The following TMEM132B variants were observed in gnomAD, a reference collection of about 807,000 sequenced individuals.
TMEM132B encodes transmembrane protein 132B.
TMEM132B carries 18 observed loss-of-function variants against 90.8 expected under a neutral mutation model. That is an observed-to-expected ratio of 0.20 (90% CI 0.14 to 0.29). TMEM132B has a LOEUF of 0.29. TMEM132B is among the 10% of genes least tolerant of loss of function. The probability of loss-of-function intolerance (pLI) is 1.00; values close to 1 mark genes in which losing one functional copy is unlikely to be tolerated. For missense variants in TMEM132B, 1,096 were observed against 1,326.8 expected, an observed-to-expected ratio of 0.83 and a Z score of 2.70; for synonymous variants, 504 against 523.3, an observed-to-expected ratio of 0.96 and a Z score of 0.50.
intron 4 of TMEM132B, among the ~76,000 whole-genome samples, chr12:125,534,447 G>C (rs146868201): frequency 6.6e-6 from 1 of 152,148 alleles, no homozygotes; most frequent in Non-Finnish European, 1.5e-5. Flanking sequence ...CACCCAGGAG[G>C]TCGAGGCTGC....
intron 8 of TMEM132B, among the ~76,000 whole-genome samples, chr12:125,653,131 C>T (rs1180257107): frequency 6.6e-6 from 1 of 152,230 alleles, no homozygotes; most frequent in Non-Finnish European, 1.5e-5. Context: ...TCACAATGCA[C>T]CTTCCCGAGT....
intron 1 of TMEM132B, among the ~76,000 whole-genome samples, chr12:125,341,081 C>T (rs1196911087): frequency 1.3e-5 from 2 of 152,210 alleles, no homozygotes; most frequent in African/African-American, 4.8e-5. Context: ...TATGCAGTTC[C>T]CTTTAGTCAC....
At chr12:125,293,460 C>G (rs1875593715) in intron 1 of TMEM132B, among the ~76,000 whole-genome samples, 1 of 152,142 alleles carries the variant, frequency 6.6e-6, no homozygotes, top group Non-Finnish European at 1.5e-5. Context: ...TCCTTCCTCC[C>G]TTGAATAGGC....
intron 3 of TMEM132B, among the ~76,000 whole-genome samples, chr12:125,479,130 A>G (rs1881971841): frequency 1.3e-5 from 2 of 152,248 alleles, no homozygotes; most frequent in Non-Finnish European, 2.9e-5. Flanking sequence ...ATGGAAAGGA[A>G]CAACCGGTAC....
intron 1 of TMEM132B, among the ~76,000 whole-genome samples, chr12:125,206,699 C>T (rs367725326): frequency 1.8e-4 from 28 of 152,200 alleles, no homozygotes; most frequent in African/African-American, 6.7e-4. Context: ...GGGACCCAGA[C>T]TTCCCTTCCT....
At chr12:125,295,201 C>G (rs1342683437) in intron 1 of TMEM132B, among the ~76,000 whole-genome samples, 1 of 152,212 alleles carries the variant, frequency 6.6e-6, no homozygotes, top group Non-Finnish European at 1.5e-5. Flanking sequence ...TGATAATTAT[C>G]TTGTGCTTCT....
At chr12:125,584,303 A>G (rs1431408499) in intron 5 of TMEM132B, 1 of 326,972 alleles carries the variant, frequency 3.1e-6, no homozygotes, top group Non-Finnish European at 5.8e-6. Flanking sequence ...TCGTAAGACA[A>G]TATTTTCCTA....
chr12:125,530,778 A>G (rs963672788), intron 4 of TMEM132B, among the ~76,000 whole-genome samples: 1 of 152,212 alleles, frequency 6.6e-6, no homozygotes, highest in Non-Finnish European at 1.5e-5. Context: ...CCTTATAAGG[A>G]CACCAGTCCT....
chr12:125,256,257 T>A (rs1477791580), intron 1 of TMEM132B, among the ~76,000 whole-genome samples: 1 of 151,810 alleles, frequency 6.6e-6, no homozygotes, highest in Non-Finnish European at 1.5e-5. Flanking sequence ...AAAAAGGGAG[T>A]GGGCCACATC....
At chr12:125,434,314 C>T (rs1181729676) in intron 3 of TMEM132B, among the ~76,000 whole-genome samples, 1 of 152,232 alleles carries the variant, frequency 6.6e-6, no homozygotes, top group Non-Finnish European at 1.5e-5. Context: ...ACCCCAGGAA[C>T]CTTAATCTAA....
chr12:125,602,276 G>A (rs1486560944), intron 5 of TMEM132B, among the ~76,000 whole-genome samples: 1 of 152,096 alleles, frequency 6.6e-6, no homozygotes, highest in Non-Finnish European at 1.5e-5. Flanking sequence ...TGATCAAGTC[G>A]GCTTCATCCT....
intron 1 of TMEM132B, among the ~76,000 whole-genome samples, chr12:125,239,815 G>C (rs759166231): frequency 3.9e-5 from 6 of 152,246 alleles, no homozygotes; most frequent in Admixed American, 2.0e-4. Flanking sequence ...TGGTTTGTTG[G>C]GGGGAAGTGG....
intron 1 of TMEM132B, among the ~76,000 whole-genome samples, chr12:125,305,451 A>C (rs1268397044): frequency 2.0e-5 from 3 of 152,024 alleles, no homozygotes; most frequent in Non-Finnish European, 2.9e-5. Context: ...AGGGGGGGGA[A>C]GGCTGTCTGT....
intron 2 of TMEM132B, among the ~76,000 whole-genome samples, chr12:125,355,828 C>T (rs11058149): frequency 0.31 from 47,337 of 152,048 alleles, 7,715 homozygotes; most frequent in South Asian, 0.46. Context: ...TACCATTCCA[C>T]GTGCCATGCT....
chr12:125,250,046 C>A (rs1347206005), intron 1 of TMEM132B, among the ~76,000 whole-genome samples: 1 of 152,244 alleles, frequency 6.6e-6, no homozygotes, highest in Non-Finnish European at 1.5e-5. Context: ...AGCAGACATG[C>A]CTGTGTTTTT....
chr12:125,230,275 C>G (rs1482838879), intron 1 of TMEM132B, among the ~76,000 whole-genome samples: 3 of 152,278 alleles, frequency 2.0e-5, no homozygotes, highest in African/African-American at 7.2e-5. Context: ...GGAGGTGGTG[C>G]TTCTCAGGTT....
Position 125,614,348 on chromosome 12 carries a change from A to G in TMEM132B, c.1438-29728A>G, listed in dbSNP as rs539556503. Among the ~76,000 whole-genome samples the G allele has an allele frequency of 2.6e-5, 4 of 152,256 alleles. No homozygotes were observed. In the South Asian group the frequency reaches 6.2e-4, roughly 24 times the overall value. On this transcript the variant is annotated intron_variant, in intron 5 of 8. Coordinates refer to ENST00000682704, the MANE Select transcript of TMEM132B (RefSeq NM_001366854.1). Reference sequence around the variant, plus strand: ...TGCTCAATGTTTAGTTGCCACTTATAAGTGAGAACATGCAGTGTTTACTTT... The same window carrying G: ...TGCTCAATGTTTAGTTGCCACTTATGAGTGAGAACATGCAGTGTTTACTTT...
intron 4 of TMEM132B, among the ~76,000 whole-genome samples, chr12:125,524,450 C>G (rs1005755401): frequency 6.6e-6 from 1 of 152,182 alleles, no homozygotes; most frequent in Non-Finnish European, 1.5e-5. Flanking sequence ...TTGGGTCAAC[C>G]TGCCTAGTTT....
At chr12:125,332,907 C>T (rs950055756) in intron 1 of TMEM132B, among the ~76,000 whole-genome samples, 28 of 152,120 alleles carry the variant, frequency 1.8e-4, no homozygotes, top group African/African-American at 6.0e-4. Context: ...TGAGCGATTT[C>T]GGATTGCCCA....
Sources: allele counts gnomAD v4.1 joint callset (sites outside exome capture counted in the v4.1 genomes callset), GRCh38; gene constraint gnomAD v4.1.1; transcripts MANE v1.5; gene names NCBI Gene and HGNC (gene_info 2026-07-23, HGNC 2026-07-21).